The following MORC3 variants were observed in gnomAD, a reference collection of about 807,000 sequenced individuals.
The protein encoded by MORC3 is MORC family CW-type zinc finger protein 3.
MORC3 carries 31 observed loss-of-function variants against 109.1 expected under a neutral mutation model. That is an observed-to-expected ratio of 0.28 (90% CI 0.21 to 0.38). MORC3 has a LOEUF of 0.38. Among genes scored for constraint, MORC3 ranks in the 10% least tolerant of loss-of-function variants. The pLI is 1.00. For synonymous variants in MORC3, 395 were observed against 380.7 expected (o/e 1.04, Z -0.44); for missense variants, 867 against 1,135.8 (o/e 0.76, Z 3.40).
chr21:36,328,122 C>G (rs1346149879), intron 1 of MORC3, among the ~76,000 whole-genome samples: 1 of 151,802 alleles, frequency 6.6e-6, no homozygotes, highest in Non-Finnish European at 1.5e-5. Flanking sequence ...AATGATCCAC[C>G]TGCCGCGGCC....
At chr21:36,374,599 TG>T (rs751871415) in intron 16 of MORC3, among the ~76,000 whole-genome samples, 38 of 152,120 alleles carry the variant, frequency 2.5e-4, no homozygotes, top group Admixed American at 4.6e-4. Context: ...GAGACCAGCC[TG>T]GGCAATATAG....
intron 9 of MORC3, among the ~76,000 whole-genome samples, chr21:36,354,117 T>C (rs2085613078): frequency 2.0e-5 from 3 of 151,418 alleles, no homozygotes; most frequent in Non-Finnish European, 4.4e-5. Context: ...GAAGAGAAAA[T>C]ATATGTACTG....
At chr21:36,362,418 C>CT (rs762548065) in intron 13 of MORC3, among the ~76,000 whole-genome samples, 190 bp downstream of exon 13, 2 of 151,790 alleles carry the variant, frequency 1.3e-5, no homozygotes, top group South Asian at 2.1e-4. Flanking sequence ...TGGCACATAC[C>CT]TGTAATCCCA....
At chr21:36,343,556 C>G (rs1484449698) in intron 6 of MORC3, among the ~76,000 whole-genome samples, 1 of 150,146 alleles carries the variant, frequency 6.7e-6, no homozygotes, top group African/African-American at 2.5e-5. Context: ...TCAAGCGATT[C>G]TTCTGGCACA....
intron 14 of MORC3, among the ~76,000 whole-genome samples, chr21:36,366,202 T>C (rs565508242): frequency 8.7e-4 from 133 of 152,118 alleles, no homozygotes; most frequent in African/African-American, 2.9e-3. Flanking sequence ...CTCCCCACTG[T>C]AGTGGTCCCC....
At chr21:36,338,048 C>T (rs2085393564) in intron 4 of MORC3, 102 bp downstream of exon 4, 11 of 1,161,752 alleles carry the variant, frequency 9.5e-6, no homozygotes, top group Non-Finnish European at 1.4e-5. Flanking sequence ...CTTTGAATAA[C>T]ACCTATTCCA....
chr21:36,335,895 A>G (rs1010989430), intron 2 of MORC3, among the ~76,000 whole-genome samples: 1 of 152,078 alleles, frequency 6.6e-6, no homozygotes, highest in African/African-American at 2.4e-5. Context: ...TCTTTCCCCT[A>G]CAATAGCCAG....
At chr21:36,371,168 C>A (rs1306668136) in intron 15 of MORC3, among the ~76,000 whole-genome samples, 3 of 152,146 alleles carry the variant, frequency 2.0e-5, no homozygotes, top group Non-Finnish European at 4.4e-5. Flanking sequence ...CTATTTTATA[C>A]ATTTTTGTGT....
chr21:36,345,487 T>C (rs893172672), intron 8 of MORC3, among the ~76,000 whole-genome samples: 2 of 151,668 alleles, frequency 1.3e-5, no homozygotes, highest in African/African-American at 4.8e-5. Context: ...AGTGGCGATA[T>C]CTCGGCTCAC....
chr21:36,364,044 G>A (rs2085749935), intron 13 of MORC3, 49 bp from the exon 14 acceptor site: 1 of 1,567,490 alleles, frequency 6.4e-7, no homozygotes, highest in Non-Finnish European at 8.7e-7. Context: ...TTTTGGGCAT[G>A]TCACACTAGA....
At chr21:36,354,872 C>T (rs1015986759) in intron 9 of MORC3, among the ~76,000 whole-genome samples, 2 of 152,224 alleles carry the variant, frequency 1.3e-5, no homozygotes, top group Non-Finnish European at 2.9e-5. Context: ...GGTGTGGTGT[C>T]TGTTCGCTCT....
At chr21:36,355,983 A>C (rs2085640699) in intron 9 of MORC3, among the ~76,000 whole-genome samples, 1 of 152,150 alleles carries the variant, frequency 6.6e-6, no homozygotes, top group Non-Finnish European at 1.5e-5. Flanking sequence ...ACAGTATTGC[A>C]CTAAACGATT....
intron 8 of MORC3, among the ~76,000 whole-genome samples, chr21:36,348,762 G>A (rs190800534): frequency 1.3e-5 from 2 of 152,254 alleles, no homozygotes; most frequent in East Asian, 3.9e-4. Flanking sequence ...TGTCTAAATG[G>A]ATACTTGTCA....
chr21:36,348,025 A>G (rs568035893), intron 8 of MORC3: 6 of 152,362 alleles, frequency 3.9e-5, no homozygotes, highest in South Asian at 2.1e-4. Context: ...GGTTTGGTCT[A>G]TAGTTGGGTT....
intron 1 of MORC3, among the ~76,000 whole-genome samples, chr21:36,323,936 C>T (rs1273879600): frequency 4.0e-5 from 6 of 151,574 alleles, no homozygotes; most frequent in Non-Finnish European, 7.4e-5. Context: ...AGTGCAAGGG[C>T]GTGATCTCGG....
intron 9 of MORC3, among the ~76,000 whole-genome samples, chr21:36,354,229 G>A (rs556802840): frequency 6.6e-4 from 101 of 152,062 alleles, no homozygotes; most frequent in Middle Eastern, 3.4e-3. Context: ...ACGAGAAGAG[G>A]TGGAAGGAGA....
chr21:36,343,072 T>C (rs2085468408), intron 6 of MORC3, among the ~76,000 whole-genome samples: 1 of 130,314 alleles, frequency 7.7e-6, no homozygotes, highest in African/African-American at 3.1e-5. Context: ...GATATAATAA[T>C]GTCGATAAAT....
chr21:36,338,791 G>C lies in MORC3; in HGVS notation c.478G>C (p.Ala160Pro). Residue 160 changes from alanine to proline, a missense_variant, in exon 5 of 17, where the codon GCA becomes CCA. Transcript: ENST00000400485. ...TGATATACGACAGATGATTAATTTA[G>C]CAGAATCAAAAGCCAGCCTTGCTGC... ...FNKHRQMINL[A>P]ESKASLAAIL... The C allele has an allele frequency of 6.2e-7, 1 of 1,613,416 alleles. No homozygotes were observed. Among genetic ancestry groups the C allele is most frequent in the African/African-American group, 1.3e-5 (1 of 75,022 alleles).
chr21:36,341,848 T>C (rs1238403350), intron 6 of MORC3, among the ~76,000 whole-genome samples: 1 of 152,214 alleles, frequency 6.6e-6, no homozygotes, highest in Non-Finnish European at 1.5e-5. Context: ...TATGCTGACA[T>C]TATTATCTTA....
Sources: gnomAD v4.1 joint callset for allele counts (sites outside exome capture counted in the v4.1 genomes callset) on GRCh38, gnomAD v4.1.1 for gene constraint, MANE v1.5 for transcripts, NCBI Gene and HGNC (gene_info 2026-07-23, HGNC 2026-07-21) for gene names.